Variants in RNLS observed in about 807,000 individuals in gnomAD.
RNLS encodes renalase, FAD dependent amine oxidase.
A neutral mutation model predicts 39.8 loss-of-function variants in RNLS; 39 were observed. That is an observed-to-expected ratio of 0.98 (90% confidence interval 0.76 to 1.28). RNLS has a LOEUF of 1.28. Ranked by LOEUF, RNLS falls within the 50% of genes most tolerant of loss-of-function variation. The pLI is 0.00. For missense variants in RNLS, 410 were observed against 413.3 expected (o/e 0.99, Z 0.07); for synonymous variants, 147 against 150.7 (o/e 0.98, Z 0.18).
At chr10:88,327,403 C>T (rs555674476) in intron 5 of RNLS, among the ~76,000 whole-genome samples, 34 of 152,280 alleles carry the variant, frequency 2.2e-4, no homozygotes, top group Admixed American at 1.3e-3. Flanking sequence ...AGTGAGTTCT[C>T]ATGAGATCTG....
chr10:88,355,642 T>C lies in RNLS; in HGVS notation c.700+6910A>G, dbSNP rs541167065. On this transcript the variant is annotated intron_variant, in intron 5 of 6. Transcript: ENST00000331772. ...CCCCTACTGAGGGGTGCCTCCGAGATAGGCTACTCGGGGGTCAGGGGCCCA... is the reference window on the plus strand; with the variant it reads ...CCCCTACTGAGGGGTGCCTCCGAGACAGGCTACTCGGGGGTCAGGGGCCCA... Among the ~76,000 whole-genome samples the C allele has an allele frequency of 3.9e-5, 6 of 152,208 alleles. No individual in the cohort carries two copies. In the South Asian group the frequency reaches 6.2e-4, roughly 16 times the overall value.
chr10:88,524,956 C>CACACATATATATATATAT (rs768939981), intron 4 of RNLS, among the ~76,000 whole-genome samples: 1 of 76,294 alleles, frequency 1.3e-5, no homozygotes, highest in Admixed American at 1.6e-4. Context: ...ATGGCACACA[C>CACACATATATATATATAT]ATACATATAT....
At chr10:88,207,836 C>G in the RNLS span, among the ~76,000 whole-genome samples, 938 of 152,218 alleles carry the variant, frequency 6.2e-3, 11 homozygotes, top group African/African-American at 0.022. Context: ...CACAGGGAGT[C>G]CAGAAATTCC....
At chr10:88,278,866 C>G (rs1271156740) in intron 6 of RNLS, among the ~76,000 whole-genome samples, 1 of 152,144 alleles carries the variant, frequency 6.6e-6, no homozygotes, top group Non-Finnish European at 1.5e-5. Context: ...TCTGTGTCAG[C>G]AAGATTTTCC....
At chr10:88,261,024 T>C in the RNLS span, among the ~76,000 whole-genome samples, 1 of 152,294 alleles carries the variant, frequency 6.6e-6, no homozygotes, top group South Asian at 2.1e-4. Flanking sequence ...ATTAACAGAC[T>C]TGAGAAGAAG....
At chr10:88,228,659 C>A in the RNLS span, among the ~76,000 whole-genome samples, 2 of 152,234 alleles carry the variant, frequency 1.3e-5, no homozygotes, top group African/African-American at 4.8e-5. Context: ...GCCACAATCA[C>A]TCCACGAAAC....
At chr10:88,579,752 T>C (rs929389678) in intron 3 of RNLS, among the ~76,000 whole-genome samples, 5 of 152,202 alleles carry the variant, frequency 3.3e-5, no homozygotes, top group African/African-American at 1.2e-4. Context: ...CCATCTGTGA[T>C]GGTCAATTTT....
At chr10:88,483,580 G>T (rs1217589963) in intron 4 of RNLS, among the ~76,000 whole-genome samples, 3 of 151,970 alleles carry the variant, frequency 2.0e-5, no homozygotes, top group African/African-American at 7.2e-5. Flanking sequence ...TTGTTTACTT[G>T]AATAATTTTA....
chr10:88,446,903 C>G (rs1264252892), intron 4 of RNLS, among the ~76,000 whole-genome samples: 1 of 152,140 alleles, frequency 6.6e-6, no homozygotes, highest in African/African-American at 2.4e-5. Context: ...CAGAACCAAA[C>G]ACAAAAACCA....
chr10:88,545,885 T>G (rs1471026080), intron 4 of RNLS, among the ~76,000 whole-genome samples: 1 of 152,152 alleles, frequency 6.6e-6, no homozygotes, highest in Non-Finnish European at 1.5e-5. Context: ...AAATGGAAAT[T>G]CTAAGTAAAC....
At chr10:88,560,971 CACAT>C (rs912766482) in intron 4 of RNLS, among the ~76,000 whole-genome samples, 13 of 151,398 alleles carry the variant, frequency 8.6e-5, no homozygotes, top group African/African-American at 2.2e-4. Context: ...CACACACACA[CACAT>C]ACACACACAG....
intron 6 of RNLS, among the ~76,000 whole-genome samples, chr10:88,278,094 A>G (rs1842877640): frequency 3.3e-5 from 5 of 152,200 alleles, no homozygotes; most frequent in Admixed American, 3.3e-4. Flanking sequence ...TAGGCACATA[A>G]TGAATGGGTT....
At chr10:88,360,916 A>G (rs1009855906) in intron 5 of RNLS, among the ~76,000 whole-genome samples, 4 of 152,308 alleles carry the variant, frequency 2.6e-5, no homozygotes, top group East Asian at 1.9e-4. Context: ...AGTCTCTCCA[A>G]TCTTCTCCTT....
At chr10:88,431,465 A>G (rs1855129811) in intron 4 of RNLS, among the ~76,000 whole-genome samples, 1 of 151,514 alleles carries the variant, frequency 6.6e-6, no homozygotes, top group Admixed American at 6.6e-5. Context: ...TCTGTTTCCT[A>G]TTTCATTAAT....
intron 4 of RNLS, among the ~76,000 whole-genome samples, chr10:88,515,861 G>A (rs1160578886): frequency 6.6e-6 from 1 of 151,924 alleles, no homozygotes; most frequent in African/African-American, 2.4e-5. Flanking sequence ...CCTAACCCCT[G>A]GTGTCTCAGA....
chr10:88,278,208 G>T (rs571322057), intron 6 of RNLS, among the ~76,000 whole-genome samples: 1 of 152,018 alleles, frequency 6.6e-6, no homozygotes. Context: ...TCTCAATTAG[G>T]TGATGCTTGC....
At chr10:88,421,092 G>A (rs548851720) in intron 4 of RNLS, among the ~76,000 whole-genome samples, 6 of 152,238 alleles carry the variant, frequency 3.9e-5, no homozygotes, top group Admixed American at 3.9e-4. Flanking sequence ...ATGAGAGGCT[G>A]CAGGAACAAG....
intron 4 of RNLS, among the ~76,000 whole-genome samples, chr10:88,526,364 AT>A (rs756479381): frequency 7.9e-5 from 12 of 152,006 alleles, no homozygotes; most frequent in Non-Finnish European, 2.9e-5. Flanking sequence ...CATTGTGTTT[AT>A]TTACGCTTCC....
intron 5 of RNLS, among the ~76,000 whole-genome samples, chr10:88,330,539 T>C (rs1212183105): frequency 6.6e-6 from 1 of 152,130 alleles, no homozygotes; most frequent in African/African-American, 2.4e-5. Flanking sequence ...ACTAAAATTC[T>C]TAGTAACACC....
Sources: allele counts gnomAD v4.1 joint callset (sites outside exome capture counted in the v4.1 genomes callset), GRCh38; gene constraint gnomAD v4.1.1; transcripts MANE v1.5; gene names NCBI Gene and HGNC (gene_info 2026-07-23, HGNC 2026-07-21).